The following PDCD10 variants were observed in gnomAD, a reference collection of about 807,000 sequenced individuals.
PDCD10 encodes the protein programmed cell death protein 10.
A neutral mutation model predicts 29.2 loss-of-function variants in PDCD10; 4 were observed. The ratio of observed to expected loss-of-function variants is 0.14; its 90% confidence interval spans 0.07 to 0.31. PDCD10 has a LOEUF of 0.31. Among genes scored for constraint, PDCD10 ranks in the 10% least tolerant of loss-of-function variants. The pLI, the probability that PDCD10 is intolerant of heterozygous loss-of-function variation, is 1.00. For synonymous variants in PDCD10, 70 were observed against 82.2 expected (o/e 0.85, Z 0.80); for missense variants, 183 against 257.9 (o/e 0.71, Z 1.99).
At chr3:167,712,595 T>C (rs1040506812) in intron 3 of PDCD10, among the ~76,000 whole-genome samples, 6 of 151,700 alleles carry the variant, frequency 4.0e-5, no homozygotes, top group Non-Finnish European at 7.4e-5. Context: ...AGTAACAAAA[T>C]GGCAGAGGTA....
chr3:167,728,405 G>A (rs762210934), intron 2 of PDCD10, among the ~76,000 whole-genome samples: 7 of 152,098 alleles, frequency 4.6e-5, no homozygotes, highest in African/African-American at 7.2e-5. Context: ...GGAGGCAGCC[G>A]GTGTGTAACA....
At chr3:167,722,725 G>A (rs1363216181) in intron 2 of PDCD10, among the ~76,000 whole-genome samples, 6 of 152,062 alleles carry the variant, frequency 3.9e-5, no homozygotes, top group Admixed American at 1.3e-4. Context: ...GAACACATAC[G>A]CATATAACTG....
At chr3:167,694,844 G>A (rs901600387) in intron 6 of PDCD10, among the ~76,000 whole-genome samples, 3 of 152,190 alleles carry the variant, frequency 2.0e-5, no homozygotes, top group Non-Finnish European at 4.4e-5. Flanking sequence ...AAAGACCTGC[G>A]CTAAATCTTT....
chr3:167,708,522 G>T (rs1457858339), intron 3 of PDCD10, among the ~76,000 whole-genome samples: 1 of 152,058 alleles, frequency 6.6e-6, no homozygotes, highest in East Asian at 1.9e-4. Context: ...TTCTTAAAAA[G>T]AACTAAACTG....
chr3:167,715,696 C>A (rs1250207742), intron 3 of PDCD10, among the ~76,000 whole-genome samples: 4 of 151,928 alleles, frequency 2.6e-5, no homozygotes, highest in African/African-American at 9.7e-5. Flanking sequence ...AAATGAAAAT[C>A]AAAACTACAA....
chr3:167,728,205 A>T (rs1394008813), intron 2 of PDCD10, among the ~76,000 whole-genome samples: 2 of 152,016 alleles, frequency 1.3e-5, no homozygotes, highest in African/African-American at 2.4e-5. Flanking sequence ...TAATATGGAT[A>T]AAGACATAGA....
At chr3:167,691,067 G>T (rs1720181248) in intron 6 of PDCD10, among the ~76,000 whole-genome samples, 2 of 152,000 alleles carry the variant, frequency 1.3e-5, no homozygotes, top group Non-Finnish European at 2.9e-5. Context: ...TGAATAAAGG[G>T]GATAACTACC....
intron 6 of PDCD10, among the ~76,000 whole-genome samples, chr3:167,692,089 G>A (rs1720304199): frequency 6.6e-6 from 1 of 152,094 alleles, no homozygotes; most frequent in Admixed American, 6.5e-5. Flanking sequence ...AATGTGTCAT[G>A]GCTCATCAAC....
chr3:167,690,521 A>G (rs781118755), intron 6 of PDCD10, among the ~76,000 whole-genome samples: 21 of 152,362 alleles, frequency 1.4e-4, no homozygotes, highest in Non-Finnish European at 2.9e-4. Flanking sequence ...TGGTCTGTTA[A>G]ATCACGAGTC....
chr3:167,726,726 G>A (rs1458879980), intron 2 of PDCD10, among the ~76,000 whole-genome samples: 1 of 152,088 alleles, frequency 6.6e-6, no homozygotes, highest in Non-Finnish European at 1.5e-5. Flanking sequence ...AACCTGACAT[G>A]GAATCGATTG....
At chr3:167,730,035 G>A (rs1413490918) in intron 2 of PDCD10, among the ~76,000 whole-genome samples, 1 of 152,106 alleles carries the variant, frequency 6.6e-6, no homozygotes, top group Non-Finnish European at 1.5e-5. Context: ...GGGTGAGCTT[G>A]AAAAATAAGT....
At chr3:167,702,305 C>A (rs1721524860) in intron 4 of PDCD10, among the ~76,000 whole-genome samples, 1 of 152,140 alleles carries the variant, frequency 6.6e-6, no homozygotes, top group Admixed American at 6.5e-5. Flanking sequence ...GTGAAAACGA[C>A]AAGGATGCAG....
At chr3:167,694,930 CTTTG>C (rs2108401342) in intron 6 of PDCD10, among the ~76,000 whole-genome samples, 1 of 152,292 alleles carries the variant, frequency 6.6e-6, no homozygotes, top group South Asian at 2.1e-4. Flanking sequence ...TCCCAGCTTT[CTTTG>C]TTTTTTATCC....
At chr3:167,711,307 C>T (rs145533465) in intron 3 of PDCD10, among the ~76,000 whole-genome samples, 336 of 152,134 alleles carry the variant, frequency 2.2e-3, no homozygotes, top group African/African-American at 5.7e-3. Flanking sequence ...GAATCCTATC[C>T]GACAAATTTA....
intron 3 of PDCD10, among the ~76,000 whole-genome samples, chr3:167,705,936 G>C (rs1018728988): frequency 6.6e-6 from 1 of 152,150 alleles, no homozygotes; most frequent in South Asian, 2.1e-4. Flanking sequence ...ATTCAAGAAA[G>C]GCAGGGACAG....
rs778703454 is a variant in PDCD10 at position 167,684,374 on chromosome 3, G to A, written c.573C>T (p.Phe191=). The A allele has an allele frequency of 5.0e-6, 8 of 1,596,146 alleles. No individual in the cohort carries two copies. Among genetic ancestry groups the A allele is most frequent in the East Asian group, 2.2e-5 (1 of 44,620 alleles). The stretch of plus-strand genomic sequence containing the variant: ...GATGAATTAGTCGGTTGGCACTTAC[G>A]AACACATTTATTGCCCTGTTTAAAA... ...YFKDGKAINV[F]VSANRLIHQT... Residue 191 remains phenylalanine, a synonymous_variant, in exon 9 of 9, where the codon TTC becomes TTT. Transcript: ENST00000392750.
At chr3:167,713,671 GA>G (rs1231825738) in intron 3 of PDCD10, among the ~76,000 whole-genome samples, 1 of 151,408 alleles carries the variant, frequency 6.6e-6, no homozygotes, top group East Asian at 1.9e-4. Flanking sequence ...AACCAACTAA[GA>G]AAAAAAGAAG....
chr3:167,733,697 C>T (rs1002771101), intron 2 of PDCD10, among the ~76,000 whole-genome samples: 1 of 152,116 alleles, frequency 6.6e-6, no homozygotes, highest in Admixed American at 6.5e-5. Flanking sequence ...GAAAGAATTC[C>T]AATCCCACTA....
intron 6 of PDCD10, chr3:167,694,337 T>C (rs1390657973): frequency 2.4e-5 from 5 of 205,648 alleles, no homozygotes; most frequent in Admixed American, 1.5e-4. Context: ...TAAGACATGG[T>C]ATGCGATATT....
Sources: gnomAD v4.1 joint callset for allele counts (sites outside exome capture counted in the v4.1 genomes callset) on GRCh38, gnomAD v4.1.1 for gene constraint, MANE v1.5 for transcripts, NCBI Gene and HGNC (gene_info 2026-07-23, HGNC 2026-07-21) for gene names.